The following MYZAP variants were observed in gnomAD, a reference collection of about 807,000 sequenced individuals.
MYZAP encodes the protein myocardial zonula adherens protein, also known as GRINL1A complex locus upstream.
Under a neutral mutation model 69.4 loss-of-function variants are expected in MYZAP, and 66 were observed. That is an observed-to-expected ratio of 0.95 (90% CI 0.78 to 1.17). MYZAP has a LOEUF of 1.17. Among genes scored for constraint, MYZAP ranks in the 50% most tolerant of loss-of-function variants. MYZAP has a pLI of 0.00. For synonymous variants in MYZAP, 256 were observed against 205.9 expected (o/e 1.24, Z -2.09); for missense variants, 611 against 556.2 (o/e 1.10, Z -0.99).
rs534672706 is a variant in MYZAP, at chr15:57,655,647, T to A, written c.1120-5803T>A. Among the ~76,000 whole-genome samples, 24 of 152,262 alleles carry A rather than the reference T, an allele frequency of 1.6e-4. 1 individual carries two copies. In the South Asian group the frequency reaches 5.0e-3, roughly 32 times the overall value. ...TTAAGAAACTAAAAGAACTTTTATT[T>A]CCCCTCCCTCCTTAAATATCAAACT... On this transcript the variant is annotated intron_variant, in intron 10 of 12. Coordinates refer to ENST00000267853, the MANE Select transcript of MYZAP (RefSeq NM_001018100.5).
chr15:57,683,795 CCT>C (rs1432185653), intron 12 of MYZAP, among the ~76,000 whole-genome samples: 1 of 151,944 alleles, frequency 6.6e-6, no homozygotes, highest in Admixed American at 6.6e-5. Flanking sequence ...ATTTCTGGGG[CCT>C]CTCTTTTTTT....
At chr15:57,674,623 A>G (rs572600330) in intron 11 of MYZAP, among the ~76,000 whole-genome samples, 1 of 152,376 alleles carries the variant, frequency 6.6e-6, no homozygotes, top group Non-Finnish European at 1.5e-5. Context: ...AATACTATTA[A>G]TGAGTTAAAA....
intron 5 of MYZAP, among the ~76,000 whole-genome samples, chr15:57,627,529 G>A (rs536819766): frequency 2.1e-4 from 32 of 152,176 alleles, no homozygotes; most frequent in Admixed American, 2.0e-3. Flanking sequence ...AGGACCACTC[G>A]AGTACCTGGT....
At chr15:57,614,424 G>T (rs577848950) in intron 2 of MYZAP, among the ~76,000 whole-genome samples, 50 of 152,364 alleles carry the variant, frequency 3.3e-4, no homozygotes, top group African/African-American at 1.2e-3. Flanking sequence ...TCGTGGGGAA[G>T]TGCTGTGAGA....
At chr15:57,658,808 C>A (rs1474722864) in intron 10 of MYZAP, among the ~76,000 whole-genome samples, 1 of 152,108 alleles carries the variant, frequency 6.6e-6, no homozygotes, top group Admixed American at 6.6e-5. Context: ...TTAGCTTTTA[C>A]CATCATGGTT....
intron 10 of MYZAP, among the ~76,000 whole-genome samples, chr15:57,650,026 G>A (rs996765501): frequency 6.6e-6 from 1 of 152,194 alleles, no homozygotes; most frequent in African/African-American, 2.4e-5. Flanking sequence ...ACTGGCAAAT[G>A]ATAGTTGCTC....
chr15:57,633,661 A>C lies in MYZAP; in HGVS notation c.853A>C (p.Met285Leu), dbSNP rs138772571. 112 of 1,613,564 alleles carry C rather than the reference A, an allele frequency of 6.9e-5. No homozygotes were observed. The highest frequency in any genetic ancestry group is 1.6e-4 in the Middle Eastern group (1 of 6,080). ...LKAIEEANKK[M>L]QAAEISLEEK... ...AGCGATTGAAGAAGCCAATAAAAAGATGCAAGCAGCAGAGATCAGCCTAGA... is the reference window on the plus strand; with the variant it reads ...AGCGATTGAAGAAGCCAATAAAAAGCTGCAAGCAGCAGAGATCAGCCTAGA... Residue 285 changes from methionine (M) to leucine (L), a missense_variant, in exon 8 of 13, where the codon ATG becomes CTG. Physicochemically the swap from Met to Leu is conservative, Grantham distance 15 (BLOSUM62 2). Coordinates refer to ENST00000267853, the MANE Select transcript of MYZAP (RefSeq NM_001018100.5).
intron 11 of MYZAP, among the ~76,000 whole-genome samples, chr15:57,669,048 G>A (rs1380892526): frequency 3.3e-5 from 5 of 151,622 alleles, no homozygotes; most frequent in African/African-American, 7.3e-5. Context: ...ATGCCACCAC[G>A]CTCGGCTAAT....
chr15:57,633,935 A>G (rs1273062003), intron 8 of MYZAP, among the ~76,000 whole-genome samples, 194 bp downstream of exon 8: 1 of 152,198 alleles, frequency 6.6e-6, no homozygotes, highest in Non-Finnish European at 1.5e-5. Flanking sequence ...AACTATTTTG[A>G]TGCTTTTAAA....
intron 2 of MYZAP, among the ~76,000 whole-genome samples, chr15:57,616,330 C>G (rs2035442812): frequency 6.6e-6 from 1 of 152,134 alleles, no homozygotes. Context: ...GATGGTGAAA[C>G]CTTGTCTGTA....
chr15:57,677,974 C>T (rs921373082), intron 12 of MYZAP, among the ~76,000 whole-genome samples: 6 of 145,284 alleles, frequency 4.1e-5, no homozygotes, highest in African/African-American at 1.0e-4. Context: ...GAGGCCAAGG[C>T]GGGAGGATCC....
At chr15:57,677,876 G>T (rs8024563) in intron 12 of MYZAP, among the ~76,000 whole-genome samples, 7,172 of 151,924 alleles carry the variant, frequency 0.047, 242 homozygotes, top group African/African-American at 0.088. Context: ...AACCTCATTG[G>T]GTTGCTTTGA....
chr15:57,607,439 C>G (rs556602301), intron 2 of MYZAP, among the ~76,000 whole-genome samples: 1 of 152,156 alleles, frequency 6.6e-6, no homozygotes, highest in African/African-American at 2.4e-5. Context: ...GCTTTTCAAA[C>G]TTGTCAATAG....
chr15:57,629,628 G>T (rs551348896), intron 5 of MYZAP, 74 bp from the exon 6 acceptor site: 2 of 1,543,940 alleles, frequency 1.3e-6, no homozygotes, highest in Admixed American at 4.1e-5. Context: ...ATAAGGGGAT[G>T]CCCCAGCATG....
At chr15:57,682,419 C>T (rs1260813915) in intron 12 of MYZAP, among the ~76,000 whole-genome samples, 1 of 152,100 alleles carries the variant, frequency 6.6e-6, no homozygotes, top group East Asian at 1.9e-4. Context: ...ATCCTGTTAA[C>T]TATAACTCTC....
chr15:57,643,747 T>G (rs188984910), intron 10 of MYZAP, among the ~76,000 whole-genome samples: 35 of 152,262 alleles, frequency 2.3e-4, no homozygotes, highest in Middle Eastern at 3.4e-3. Context: ...TTTTGTTTTT[T>G]TTTTTTTTAA....
chr15:57,614,723 G>A (rs2035321988), intron 2 of MYZAP, among the ~76,000 whole-genome samples: 1 of 152,092 alleles, frequency 6.6e-6, no homozygotes, highest in African/African-American at 2.4e-5. Context: ...GAGACCCTGG[G>A]ATGCTACATG....
chr15:57,655,832 G>A (rs2037985781), intron 10 of MYZAP, among the ~76,000 whole-genome samples: 1 of 152,162 alleles, frequency 6.6e-6, no homozygotes, highest in Non-Finnish European at 1.5e-5. Flanking sequence ...TTATGAAAGT[G>A]TATTTTTCCC....
chr15:57,642,798 G>T (rs2037236197), intron 10 of MYZAP, among the ~76,000 whole-genome samples: 1 of 138,628 alleles, frequency 7.2e-6, no homozygotes, highest in Admixed American at 7.3e-5. Context: ...AAAAGTAACT[G>T]GCCCAGGTTT....
Sources: gnomAD v4.1 joint callset for allele counts (sites outside exome capture counted in the v4.1 genomes callset) on GRCh38, gnomAD v4.1.1 for gene constraint, MANE v1.5 for transcripts, NCBI Gene and HGNC (gene_info 2026-07-23, HGNC 2026-07-21) for gene names.